The following AGAP1 variants were observed in gnomAD, a reference collection of about 807,000 sequenced individuals.
AGAP1 encodes arf-GAP with GTPase, ANK repeat and PH domain-containing protein 1.
A neutral mutation model predicts 105.3 loss-of-function variants in AGAP1; 29 were observed. The observed-to-expected ratio is 0.28, with a 90% CI of 0.21 to 0.38. The LOEUF (loss-of-function observed/expected upper bound fraction) is 0.38. Among genes scored for constraint, AGAP1 ranks in the 10% least tolerant of loss-of-function variants. The pLI is 1.00. For synonymous variants in AGAP1, 509 were observed against 485.9 expected (o/e 1.05, Z -0.63); for missense variants, 998 against 1,165.1 (o/e 0.86, Z 2.09).
At position 235,877,113 on chromosome 2, in the gene AGAP1, G is replaced by A. The variant is rs1409942591; in HGVS notation, c.1051-6232G>A. 6.6e-6 allele frequency among the ~76,000 whole-genome samples: 1 copy of A among 151,944 alleles called. No homozygotes were observed. The highest frequency in any genetic ancestry group is 1.9e-4 in the East Asian group (1 of 5,156). The stretch of plus-strand genomic sequence containing the variant: ...ACCCGCCTCGGCCTCCCAAAGTGCT[G>A]GAATTACAGGCATGAGCCACCACGC... On this transcript the variant is annotated intron_variant, in intron 9 of 17. Transcript: ENST00000304032. This position sits in a 1 kb window ranked among gnomAD's most constrained non-coding sequence, Gnocchi z 4.3.
intron 9 of AGAP1, among the ~76,000 whole-genome samples, chr2:235,860,359 CT>C (rs879681418): frequency 4.3e-4 from 64 of 147,910 alleles, no homozygotes; most frequent in Middle Eastern, 7.0e-3. Context: ...TTATAATTAC[CT>C]TTTTTTTTTG....
intron 10 of AGAP1, among the ~76,000 whole-genome samples, chr2:235,895,798 G>A (rs369627459): frequency 3.9e-5 from 6 of 151,948 alleles, no homozygotes; most frequent in Admixed American, 6.6e-5. Context: ...TAAATGTGTC[G>A]GACTAGAGTT....
Position 235,676,900 on chromosome 2 carries a change from A to G in AGAP1, c.164-32279A>G, listed in dbSNP as rs185163065. Among the ~76,000 whole-genome samples the G allele has an allele frequency of 1.1e-3, 167 of 152,348 alleles. 1 individual carries two copies. In the South Asian group the frequency reaches 0.013, roughly 12 times the overall value. ...CACTCATGTCGCCAGGTGATTAAGA[A>G]CAGAATTGGTATTAAGGTCAACGGA... On this transcript the variant is annotated intron_variant, in intron 1 of 17. Transcript: ENST00000304032.
intron 1 of AGAP1, among the ~76,000 whole-genome samples, chr2:235,495,416 A>G (rs1273057933): frequency 6.6e-6 from 1 of 152,338 alleles, no homozygotes; most frequent in South Asian, 2.1e-4. Context: ...GCCCCTGTGC[A>G]AACGCTGGAA....
In AGAP1 at chr2:236,036,856, T is replaced by C. The variant is rs2125663713; in HGVS notation, c.1800+141T>C. On this transcript the variant is annotated intron_variant, in intron 14 of 17. Transcript: ENST00000304032. The surrounding 1 kb of genome is among the most constrained non-coding windows in gnomAD (Gnocchi z 5.7). ...TATTCTTTATGAGCAGAAAGCTCAA[T>C]AACTAAAACGATCAGAAGCACTTTG... The C allele has an allele frequency of 6.0e-6, 8 of 1,324,930 alleles. No individual in the cohort carries two copies. Among genetic ancestry groups the C allele is most frequent in the South Asian group, 3.0e-5 (2 of 66,700 alleles). The allele number at this position is 1,324,930 out of a possible 1,614,324, so 82.1% of individuals were successfully genotyped here.
chr2:235,940,908 T>G (rs1040924650), intron 12 of AGAP1, among the ~76,000 whole-genome samples: 2 of 152,198 alleles, frequency 1.3e-5, no homozygotes, highest in Non-Finnish European at 2.9e-5. Context: ...AGTTAGTGAA[T>G]GAGCACACTT....
rs1028314369 is a variant in AGAP1, at chr2:236,011,754, C to T, written c.1646-24807C>T. ...AAAAATTTTAATTAAAATAAAGACC[C>T]GGAAAGTTTTAGTCTATTGCTAGTC... On this transcript the variant is annotated intron_variant, in intron 13 of 17. Transcript: ENST00000304032. 2.5e-4 allele frequency among the ~76,000 whole-genome samples: 38 copies of T among 151,996 alleles called. 1 individual carries two copies. The highest frequency in any genetic ancestry group is 8.5e-4 in the African/African-American group (35 of 41,360).
intron 1 of AGAP1, among the ~76,000 whole-genome samples, chr2:235,513,476 G>A (rs181155065): frequency 1.4e-5 from 2 of 141,304 alleles, no homozygotes; most frequent in Non-Finnish European, 3.0e-5. Flanking sequence ...AACTGAGATC[G>A]CGCCACTGTA....
At position 236,027,080 on chromosome 2, in the gene AGAP1, G is replaced by A. The variant is rs2057078456; in HGVS notation, c.1646-9481G>A. On this transcript the variant is annotated intron_variant, in intron 13 of 17. Transcript: ENST00000304032. The surrounding 1 kb of genome is among the most constrained non-coding windows in gnomAD (Gnocchi z 4.4). ...GTTTATTACTCCATGCAGTAGATTT[G>A]TTATGGATAAACAGATTTCTTCCTG... is the stretch of plus-strand genomic sequence containing the variant. Among the ~76,000 whole-genome samples, 1 of 152,196 alleles carries A rather than the reference G, an allele frequency of 6.6e-6. No individual in the cohort carries two copies. Among genetic ancestry groups the A allele is most frequent in the Admixed American group, 6.5e-5 (1 of 15,286 alleles).
chr2:235,795,352 C>A (rs1957196784), intron 6 of AGAP1, among the ~76,000 whole-genome samples: 1 of 152,194 alleles, frequency 6.6e-6, no homozygotes, highest in Admixed American at 6.5e-5. Context: ...CAGCCGTTGG[C>A]AAATTTGTGG....
chr2:235,881,948 A>C (rs1394889596), intron 9 of AGAP1, among the ~76,000 whole-genome samples: 1 of 152,232 alleles, frequency 6.6e-6, no homozygotes, highest in Non-Finnish European at 1.5e-5. Flanking sequence ...TTTGGTTTTA[A>C]TAAAAAATCT....
intron 11 of AGAP1, among the ~76,000 whole-genome samples, chr2:235,909,373 A>G (rs1287333405): frequency 6.6e-6 from 1 of 152,222 alleles, no homozygotes; most frequent in African/African-American, 2.4e-5. Flanking sequence ...CTTTAATGCA[A>G]CTTTAGTTCT....
In AGAP1 at chr2:235,750,844, A is replaced by G. The variant is rs574498738; in HGVS notation, c.673+356A>G. On this transcript the variant is annotated intron_variant, in intron 6 of 17. Coordinates refer to ENST00000304032, the MANE Select transcript of AGAP1 (RefSeq NM_001037131.3). This position sits in a 1 kb window ranked among gnomAD's most constrained non-coding sequence, Gnocchi z 5.3. Reference sequence around the variant, plus strand: ...TCTTTATTGTAATTGCCCATTCTTAATCCAGTCCCGTCCTTTAAAGCAGTT... The same window carrying G: ...TCTTTATTGTAATTGCCCATTCTTAGTCCAGTCCCGTCCTTTAAAGCAGTT... 3.3e-5 allele frequency among the ~76,000 whole-genome samples: 5 copies of G among 152,214 alleles called. No homozygotes were observed. In the South Asian group the frequency reaches 1.0e-3, roughly 32 times the overall value.
chr2:235,558,568 G>T (rs1361212085), intron 1 of AGAP1, among the ~76,000 whole-genome samples: 1 of 152,092 alleles, frequency 6.6e-6, no homozygotes, highest in Non-Finnish European at 1.5e-5. Context: ...GTAGCCTTCA[G>T]GAGAAATAAA....
chr2:235,814,564 A>G (rs1187771562), intron 9 of AGAP1, among the ~76,000 whole-genome samples: 2 of 152,186 alleles, frequency 1.3e-5, no homozygotes, highest in Non-Finnish European at 2.9e-5. Flanking sequence ...GGAGGCAGAA[A>G]GTGTCTGCAG....
At position 235,609,527 on chromosome 2, in the gene AGAP1, T is replaced by TA. The variant is rs1358753895; in HGVS notation, c.164-99651dup. Among the ~76,000 whole-genome samples the TA allele has an allele frequency of 6.6e-6, 1 of 152,058 alleles. No individual in the cohort carries two copies. The highest frequency in any genetic ancestry group is 6.6e-5 in the Admixed American group (1 of 15,246). Reference sequence around the variant, plus strand: ...AGGCAGGCTGGGCGTGCTGTGGTTATAGGCAGCCTACATGTCTTGAGTTTT... The same window carrying TA: ...AGGCAGGCTGGGCGTGCTGTGGTTATAAGGCAGCCTACATGTCTTGAGTTTT... On this transcript the variant is annotated intron_variant, in intron 1 of 17. Coordinates refer to ENST00000304032, the MANE Select transcript of AGAP1 (RefSeq NM_001037131.3). The surrounding 1 kb of genome is among the most constrained non-coding windows in gnomAD (Gnocchi z 5.1).
intron 1 of AGAP1, chr2:235,524,278 G>A (rs1428462445): frequency 1.2e-5 from 2 of 164,082 alleles, no homozygotes; most frequent in African/African-American, 2.4e-5. Context: ...GCTGGGGACA[G>A]CATGGTCCAC....
rs778674220 is a variant in AGAP1 at position 236,090,044 on chromosome 2, T to A, written c.2115-30148T>A. Among the ~76,000 whole-genome samples the A allele has an allele frequency of 2.0e-5, 3 of 151,974 alleles. No homozygotes were observed. Among genetic ancestry groups the A allele is most frequent in the Non-Finnish European group, 4.4e-5 (3 of 67,972 alleles). ...TCCATCGGATACAGAAGTTTTGAGG[T>A]GAGTGGAGTTGCAGGGAGGAGCACG... On this transcript the variant is annotated intron_variant, in intron 16 of 17. Transcript: ENST00000304032. This position sits in a 1 kb window ranked among gnomAD's most constrained non-coding sequence, Gnocchi z 4.3.
rs752711747 is a variant in AGAP1, at chr2:235,615,366, A to G, written c.164-93813A>G. 4.6e-5 allele frequency among the ~76,000 whole-genome samples: 7 copies of G among 152,152 alleles called. No individual in the cohort carries two copies. Among genetic ancestry groups the G allele is most frequent in the African/African-American group, 7.2e-5 (3 of 41,442 alleles). ...CTGAGGAGCTTGCCAGTATTGTTAC[A>G]ATTGGAGTGATCTCATATGACCAAA... On this transcript the variant is annotated intron_variant, in intron 1 of 17. Coordinates refer to ENST00000304032, the MANE Select transcript of AGAP1 (RefSeq NM_001037131.3). The surrounding 1 kb of genome is among the most constrained non-coding windows in gnomAD (Gnocchi z 5.0).
Sources: allele counts gnomAD v4.1 joint callset (sites outside exome capture counted in the v4.1 genomes callset), GRCh38; gene constraint gnomAD v4.1.1; non-coding constraint Gnocchi (gnomAD v3.1); transcripts MANE v1.5; gene names NCBI Gene and HGNC (gene_info 2026-07-23, HGNC 2026-07-21).